Variants in DLGAP2 observed in about 807,000 individuals in gnomAD.
DLGAP2 encodes the protein DLG associated protein 2.
A neutral mutation model predicts 100.3 loss-of-function variants in DLGAP2; 26 were observed. The observed-to-expected ratio is 0.26, with a 90% CI of 0.19 to 0.36. DLGAP2 has a LOEUF of 0.36. DLGAP2 is among the 10% of genes least tolerant of loss of function. The pLI, the probability that DLGAP2 is intolerant of heterozygous loss-of-function variation, is 1.00. For missense variants in DLGAP2, 1,858 were observed against 1,453.2 expected (o/e 1.28, Z -4.53); for synonymous variants, 886 against 630.1 (o/e 1.41, Z -6.08).
At chr8:916,698 ATCCAGGCTTC>A (rs1798601695) in intron 2 of DLGAP2, among the ~76,000 whole-genome samples, 1 of 152,204 alleles carries the variant, frequency 6.6e-6, no homozygotes, top group Non-Finnish European at 1.5e-5. Context: ...AAGAAACTCA[ATCCAGGCTTC>A]TCCAGTGTCA....
chr8:1,031,884 TA>T (rs1554470013), intron 2 of DLGAP2, among the ~76,000 whole-genome samples: 1 of 152,236 alleles, frequency 6.6e-6, no homozygotes, highest in Non-Finnish European at 1.5e-5. Flanking sequence ...GTGGCCACCA[TA>T]AGTCCATGCT....
chr8:746,697 C>T (rs1171034335), intron 1 of DLGAP2, among the ~76,000 whole-genome samples: 1 of 152,194 alleles, frequency 6.6e-6, no homozygotes, highest in African/African-American at 2.4e-5. Flanking sequence ...TTTGCTGTAT[C>T]AGCATACTTT....
chr8:1,427,712 C>T (rs977633910), intron 3 of DLGAP2, among the ~76,000 whole-genome samples: 6 of 152,172 alleles, frequency 3.9e-5, no homozygotes, highest in Admixed American at 6.5e-5. Flanking sequence ...TACAAGCTCT[C>T]TTCTCTTGTC....
At chr8:1,163,599 T>C (rs773043444) in intron 2 of DLGAP2, among the ~76,000 whole-genome samples, 5 of 152,208 alleles carry the variant, frequency 3.3e-5, no homozygotes, top group Non-Finnish European at 7.3e-5. Context: ...AGAACGCGGT[T>C]GTGTAACTGA....
intron 5 of DLGAP2, among the ~76,000 whole-genome samples, chr8:1,560,055 C>G (rs1034193140): frequency 1.3e-5 from 2 of 152,198 alleles, no homozygotes; most frequent in Non-Finnish European, 2.9e-5. Context: ...TCATTGAGAA[C>G]TGTGGCTTTT....
At chr8:1,468,631 C>G (rs1394470850) in intron 3 of DLGAP2, among the ~76,000 whole-genome samples, 1 of 152,230 alleles carries the variant, frequency 6.6e-6, no homozygotes, top group Admixed American at 6.5e-5. Context: ...GAAGCCTGTG[C>G]TTTGGGGCCA....
At chr8:926,878 G>A (rs759224653) in intron 2 of DLGAP2, among the ~76,000 whole-genome samples, 47 of 152,382 alleles carry the variant, frequency 3.1e-4, no homozygotes, top group Middle Eastern at 6.8e-3. Context: ...ACAGCACTGC[G>A]TGGCAGGAGC....
At chr8:834,220 A>G (rs932417724) in intron 1 of DLGAP2, among the ~76,000 whole-genome samples, 3 of 152,232 alleles carry the variant, frequency 2.0e-5, no homozygotes, top group Non-Finnish European at 4.4e-5. Context: ...GAGTCCCAGT[A>G]GAGCAGTGCT....
At chr8:1,462,389 T>C (rs13248268) in intron 3 of DLGAP2, among the ~76,000 whole-genome samples, 5 of 80,064 alleles carry the variant, frequency 6.2e-5, no homozygotes, top group African/African-American at 1.4e-4. Flanking sequence ...GGGAGAAGGG[T>C]GGCATTCGGG....
At chr8:815,032 G>A (rs11775689) in intron 1 of DLGAP2, among the ~76,000 whole-genome samples, 29,219 of 151,932 alleles carry the variant, frequency 0.19, 3,548 homozygotes, top group Admixed American at 0.38. Context: ...TTAACGGAGC[G>A]GATATATCTG....
intron 3 of DLGAP2, chr8:1,379,455 C>T (rs1163051779): frequency 2.6e-5 from 4 of 152,294 alleles, no homozygotes; most frequent in Admixed American, 2.6e-4. Context: ...CTCCGTCTGC[C>T]GAGGCCTCTC....
At chr8:1,039,386 G>C (rs1322523337) in intron 2 of DLGAP2, among the ~76,000 whole-genome samples, 2 of 150,488 alleles carry the variant, frequency 1.3e-5, no homozygotes, top group African/African-American at 4.9e-5. Context: ...GGTCAGCTCG[G>C]TTTCCGTGCT....
At chr8:1,159,876 C>A (rs755656019) in intron 2 of DLGAP2, among the ~76,000 whole-genome samples, 1 of 152,212 alleles carries the variant, frequency 6.6e-6, no homozygotes, top group Non-Finnish European at 1.5e-5. Context: ...GGCCCCCCAA[C>A]CCCTGAAGGA....
At chr8:1,355,788 C>T (rs1233761552) in intron 3 of DLGAP2, among the ~76,000 whole-genome samples, 1 of 152,140 alleles carries the variant, frequency 6.6e-6, no homozygotes, top group Non-Finnish European at 1.5e-5. Context: ...CTCCCTGTCT[C>T]CTCCCACAAC....
At chr8:1,282,304 T>C (rs1225715984) in intron 3 of DLGAP2, among the ~76,000 whole-genome samples, 1 of 137,870 alleles carries the variant, frequency 7.3e-6, no homozygotes, top group Admixed American at 7.4e-5. Flanking sequence ...CCCAGCGCCC[T>C]GAACCATCCG....
chr8:1,355,881 G>C lies in DLGAP2; in HGVS notation c.106+96998G>C, dbSNP rs553661434. ...CACTCCTACCCTAGGGTCCCTGTCT[G>C]CATTATAATCACCTGTTCATATTCA... On this transcript the variant is annotated intron_variant, in intron 3 of 14. Coordinates refer to ENST00000637795, the MANE Select transcript of DLGAP2 (RefSeq NM_001346810.2). Among the ~76,000 whole-genome samples, 3 of 152,260 alleles carry C rather than the reference G, an allele frequency of 2.0e-5. No homozygotes were observed. The South Asian group carries it at 6.2e-4, about 32-fold the overall frequency.
chr8:1,490,055 C>G (rs1466696915), intron 3 of DLGAP2, among the ~76,000 whole-genome samples: 1 of 150,004 alleles, frequency 6.7e-6, no homozygotes, highest in Non-Finnish European at 1.5e-5. Flanking sequence ...CCGCACCCGG[C>G]TATTTTTTTT....
At chr8:1,287,112 G>C (rs915797941) in intron 3 of DLGAP2, among the ~76,000 whole-genome samples, 59 of 151,480 alleles carry the variant, frequency 3.9e-4, no homozygotes, top group African/African-American at 1.4e-3. Flanking sequence ...GGTTAAGAGG[G>C]GAACTAGTTT....
intron 2 of DLGAP2, among the ~76,000 whole-genome samples, chr8:1,181,583 G>T (rs2116703677): frequency 6.6e-6 from 1 of 151,982 alleles, no homozygotes; most frequent in Middle Eastern, 3.4e-3. Flanking sequence ...TAACTAATGG[G>T]TACTAGGCTT....
Sources: gnomAD v4.1 joint callset for allele counts (sites outside exome capture counted in the v4.1 genomes callset) on GRCh38, gnomAD v4.1.1 for gene constraint, MANE v1.5 for transcripts, NCBI Gene and HGNC (gene_info 2026-07-23, HGNC 2026-07-21) for gene names.